The following NAV1 variants were observed in gnomAD, a reference collection of about 807,000 sequenced individuals.
NAV1 encodes pore membrane and/or filament interacting like protein 3.
In NAV1, 18 loss-of-function variants were observed where a neutral mutation model predicts 175.2. That is an observed-to-expected ratio of 0.10 (90% confidence interval 0.07 to 0.15). The LOEUF is 0.15. Ranked by LOEUF, NAV1 falls within the 10% of genes least tolerant of loss-of-function variation. The probability of loss-of-function intolerance (pLI) is 1.00; values close to 1 mark genes in which losing one functional copy is unlikely to be tolerated. For missense variants in NAV1, 1,731 were observed against 2,436.6 expected (o/e 0.71, Z 6.10); for synonymous variants, 897 against 978.7 (o/e 0.92, Z 1.56).
chr1:201,741,304 A>G (rs956108698), intron 3 of NAV1, among the ~76,000 whole-genome samples: 4 of 152,180 alleles, frequency 2.6e-5, no homozygotes, highest in Non-Finnish European at 4.4e-5. Flanking sequence ...CCCCTACCAC[A>G]GTATGACAGA....
intron 2 of NAV1, among the ~76,000 whole-genome samples, chr1:201,636,879 G>C (rs1366544202): frequency 2.0e-5 from 3 of 152,170 alleles, no homozygotes; most frequent in Admixed American, 6.5e-5. Context: ...AAGAATCTGA[G>C]GTTGCATGCA....
At chr1:201,641,789 G>C (rs760474469) in intron 2 of NAV1, among the ~76,000 whole-genome samples, 8 of 152,146 alleles carry the variant, frequency 5.3e-5, no homozygotes, top group Admixed American at 1.3e-4. Context: ...GATCCTGACT[G>C]TGGTCCCAGA....
chr1:201,598,581 G>A lies in NAV1; in HGVS notation c.-33+9932G>A, dbSNP rs1389807877. On this transcript the variant is annotated intron_variant, in intron 2 of 33. Transcript: ENST00000685211. ...GAGCAAGGGCCAAGAAAACTGGCAG[G>A]ACCACAGGACCAACTGGATGTGCTT... Among the ~76,000 whole-genome samples, 17 of 152,324 alleles carry A rather than the reference G, an allele frequency of 1.1e-4. No individual in the cohort carries two copies. The East Asian group carries it at 2.9e-3, about 26-fold the overall frequency.
Position 201,740,002 on chromosome 1 carries a change from A to G in NAV1, c.1226+21247A>G. On this transcript the variant is annotated intron_variant, in intron 3 of 29. Coordinates refer to ENST00000367296, the Ensembl canonical transcript of NAV1. This position sits in a 1 kb window ranked among gnomAD's most constrained non-coding sequence, Gnocchi z 4.7. The stretch of plus-strand genomic sequence containing the variant: ...GGGGCGCTGGGTGCCCACCCGGTGA[A>G]TGGCCGCCTGAGCCGGGGAAGATGC... The G allele has an allele frequency of 6.8e-7, 1 of 1,462,862 alleles. No homozygotes were observed. The highest frequency in any genetic ancestry group is 9.1e-7 in the Non-Finnish European group (1 of 1,104,960). The allele number at this position is 1,462,862 out of a possible 1,614,324, so 90.6% of individuals were successfully genotyped here. A position where few individuals can be genotyped will look rare whatever the true frequency, so the allele number is the denominator to read the frequency against.
upstream of NAV1, among the ~76,000 whole-genome samples, chr1:201,620,474 T>C (rs1464256107): frequency 6.7e-6 from 1 of 148,696 alleles, no homozygotes; most frequent in Non-Finnish European, 1.5e-5. Context: ...TTTTTTTTTT[T>C]TTGAGACAGA....
intron 1 of NAV1, among the ~76,000 whole-genome samples, chr1:201,541,638 GT>G (rs1324572438): frequency 2.6e-5 from 4 of 152,228 alleles, no homozygotes; most frequent in Non-Finnish European, 4.4e-5. Context: ...GCCGGGTGTG[GT>G]GGCAGGTGCC....
chr1:201,703,273 C>T (rs1418947893), intron 1 of NAV1, among the ~76,000 whole-genome samples: 1 of 152,216 alleles, frequency 6.6e-6, no homozygotes, highest in Non-Finnish European at 1.5e-5. Flanking sequence ...TGTTGGGGAA[C>T]AGAGGGCCAC....
chr1:201,711,434 G>A (rs1269150916), intron 1 of NAV1, among the ~76,000 whole-genome samples: 1 of 147,252 alleles, frequency 6.8e-6, no homozygotes, highest in South Asian at 2.3e-4. Context: ...CCTGCCAGCC[G>A]GCCTGAGCTT....
chr1:201,577,253 A>G (rs954252296), intron 1 of NAV1, among the ~76,000 whole-genome samples: 1 of 152,222 alleles, frequency 6.6e-6, no homozygotes, highest in Non-Finnish European at 1.5e-5. Flanking sequence ...GTCTTTTGTA[A>G]CATTGTAACA....
chr1:201,583,240 G>A (rs1324146761), intron 1 of NAV1, among the ~76,000 whole-genome samples: 1 of 152,254 alleles, frequency 6.6e-6, no homozygotes, highest in Non-Finnish European at 1.5e-5. Context: ...GCCCGTGTTG[G>A]TATAATAGCC....
At chr1:201,663,385 C>G (rs1416256014) in intron 1 of NAV1, among the ~76,000 whole-genome samples, 2 of 152,218 alleles carry the variant, frequency 1.3e-5, no homozygotes, top group Non-Finnish European at 2.9e-5. Context: ...TTAGCCTGGG[C>G]CTGGCTCCTG....
chr1:201,691,053 A>G (rs1204198454), intron 1 of NAV1, among the ~76,000 whole-genome samples: 1 of 152,240 alleles, frequency 6.6e-6, no homozygotes, highest in Non-Finnish European at 1.5e-5. Context: ...TTAACGGTTC[A>G]GCACAACAGA....
At chr1:201,634,817 A>G (rs1032370683) in intron 2 of NAV1, among the ~76,000 whole-genome samples, 26 of 152,176 alleles carry the variant, frequency 1.7e-4, no homozygotes, top group African/African-American at 6.3e-4. Context: ...CTCCCACTCT[A>G]AAAGGTGTGT....
intron 1 of NAV1, among the ~76,000 whole-genome samples, chr1:201,650,411 G>C (rs1429639037): frequency 6.6e-6 from 1 of 152,222 alleles, no homozygotes; most frequent in Non-Finnish European, 1.5e-5. Flanking sequence ...AAGGACGGTG[G>C]GGCCTGGTGC....
At chr1:201,693,721 G>A (rs868361168) in intron 1 of NAV1, among the ~76,000 whole-genome samples, 21 of 152,124 alleles carry the variant, frequency 1.4e-4, no homozygotes, top group Admixed American at 1.2e-3. Flanking sequence ...AGCCGTAGGA[G>A]GGATGGAGGA....
intron 1 of NAV1, among the ~76,000 whole-genome samples, chr1:201,540,934 T>G (rs1181669719): frequency 6.6e-6 from 1 of 152,244 alleles, no homozygotes. Context: ...TTTTTCAGAT[T>G]TGGGCTCCAG....
rs1674054037 is a variant in NAV1 at position 201,750,786 on chromosome 1, G to A, written c.1227-29635G>A. Among the ~76,000 whole-genome samples the A allele has an allele frequency of 6.6e-6, 1 of 151,952 alleles. No individual in the cohort carries two copies. The highest frequency in any genetic ancestry group is 2.4e-5 in the African/African-American group (1 of 41,404). ...GAATTTTTGGCCTGCCTGCCTTTCT[G>A]AGATCGGAGGAGGCCTGGAGGGTGG... On this transcript the variant is annotated intron_variant, in intron 3 of 29. Coordinates refer to ENST00000367296, the Ensembl canonical transcript of NAV1. This position sits in a 1 kb window ranked among gnomAD's most constrained non-coding sequence, Gnocchi z 4.1.
At chr1:201,800,088 C>A (rs1200987689) in intron 15 of NAV1, among the ~76,000 whole-genome samples, 3 of 152,016 alleles carry the variant, frequency 2.0e-5, no homozygotes, top group Non-Finnish European at 4.4e-5. Flanking sequence ...CAGCCTCGAT[C>A]CCTGGGACTC....
At chr1:201,551,325 C>T (rs1469150089) in intron 1 of NAV1, among the ~76,000 whole-genome samples, 5 of 152,150 alleles carry the variant, frequency 3.3e-5, no homozygotes, top group African/African-American at 1.2e-4. Context: ...ACCTCTCAGG[C>T]TCAAGCGATC....
Sources: gnomAD v4.1 joint callset for allele counts (sites outside exome capture counted in the v4.1 genomes callset) on GRCh38, gnomAD v4.1.1 for gene constraint, Gnocchi (gnomAD v3.1) non-coding constraint, MANE v1.5 for transcripts, NCBI Gene and HGNC (gene_info 2026-07-23, HGNC 2026-07-21) for gene names.